Variants in FGD3 observed in about 807,000 individuals in gnomAD.
FGD3 encodes the protein FYVE, RhoGEF and PH domain-containing protein 3.
A neutral mutation model predicts 71.8 loss-of-function variants in FGD3; 45 were observed. The observed-to-expected ratio is 0.63, with a 90% confidence interval of 0.49 to 0.80. The LOEUF (loss-of-function observed/expected upper bound fraction) is 0.80, where lower values mean the gene tolerates loss of function less well. Ranked by LOEUF, FGD3 falls within the 30% of genes least tolerant of loss-of-function variation. The pLI, the probability that FGD3 is intolerant of heterozygous loss-of-function variation, is 0.00. For missense variants in FGD3, 844 were observed against 951.5 expected (o/e 0.89, Z 1.49); for synonymous variants, 378 against 392.8 (o/e 0.96, Z 0.44).
At chr9:93,010,126 C>G (rs991660006) in intron 6 of FGD3, 120 bp from the exon 7 acceptor site, 14 of 1,200,874 alleles carry the variant, frequency 1.2e-5, no homozygotes, top group Non-Finnish European at 2.3e-6. Flanking sequence ...TCTTGAAGGA[C>G]AGTCAGTTCT....
At chr9:93,009,423 C>T (rs944663423) in intron 6 of FGD3, among the ~76,000 whole-genome samples, 2 of 152,186 alleles carry the variant, frequency 1.3e-5, no homozygotes, top group Non-Finnish European at 2.9e-5. Flanking sequence ...CTGTTCTGGG[C>T]CCTGAGCCAG....
chr9:93,030,365 G>T (rs1342554678), intron 15 of FGD3, among the ~76,000 whole-genome samples: 1 of 152,158 alleles, frequency 6.6e-6, no homozygotes, highest in Admixed American at 6.5e-5. Flanking sequence ...AGCTCCTACT[G>T]CTGGCCTTTG....
At chr9:93,033,139 G>C (rs1031627588) in intron 16 of FGD3, 3 of 519,826 alleles carry the variant, frequency 5.8e-6, no homozygotes, top group African/African-American at 3.8e-5. Context: ...TGTCACTCCT[G>C]GTCACCTGGT....
chr9:93,028,218 G>GCACACACACA (rs547210870), intron 14 of FGD3, among the ~76,000 whole-genome samples: 5 of 141,052 alleles, frequency 3.5e-5, no homozygotes, highest in African/African-American at 1.1e-4. Context: ...ACACACACAC[G>GCACACACACA]CACACACACA....
chr9:92,985,752 A>T (rs2118623338), intron 3 of FGD3, among the ~76,000 whole-genome samples: 1 of 152,276 alleles, frequency 6.6e-6, no homozygotes, highest in East Asian at 1.9e-4. Context: ...TGCTAGGATT[A>T]CAAGCATGAA....
intron 14 of FGD3, 108 bp from the exon 15 acceptor site, chr9:93,029,766 T>C: frequency 1.4e-6 from 2 of 1,454,384 alleles, no homozygotes; most frequent in Non-Finnish European, 1.9e-6. Context: ...ACTTTTTGCC[T>C]TGAGCCTGTG....
intron 3 of FGD3, among the ~76,000 whole-genome samples, chr9:92,979,774 T>C (rs1587827196): frequency 6.6e-6 from 1 of 152,214 alleles, no homozygotes; most frequent in African/African-American, 2.4e-5. Flanking sequence ...ACTAATTCAA[T>C]CTGCATACTC....
At chr9:93,008,241 T>C (rs1232467015) in intron 6 of FGD3, among the ~76,000 whole-genome samples, 1 of 152,174 alleles carries the variant, frequency 6.6e-6, no homozygotes, top group Non-Finnish European at 1.5e-5. Context: ...ACAAGGATAT[T>C]CTCTTGCGTA....
chr9:92,949,413 C>T (rs1210906243), intron 1 of FGD3, among the ~76,000 whole-genome samples: 3 of 152,150 alleles, frequency 2.0e-5, no homozygotes, highest in Non-Finnish European at 4.4e-5. Context: ...CAGTCTGCAG[C>T]GGGGCGTCCG....
chr9:93,000,682 CA>C (rs1280115360), intron 3 of FGD3, among the ~76,000 whole-genome samples: 1 of 152,108 alleles, frequency 6.6e-6, no homozygotes, highest in Non-Finnish European at 1.5e-5. Flanking sequence ...TTACATGAGA[CA>C]AATTATTTTT....
At position 92,976,243 on chromosome 9, in the gene FGD3, G is replaced by A. The variant is rs766990798; in HGVS notation, c.-14G>A. On this transcript the variant is annotated 5_prime_UTR_variant, in exon 3 of 18. Coordinates refer to ENST00000375482, the MANE Select transcript of FGD3 (RefSeq NM_001083536.2). ...GCCAGCCTCCACCTGAGCCCAGTGA[G>A]CTCAGCTTTAAGGATGGAGTCAGGC... 28 of 1,554,206 alleles carry A rather than the reference G, an allele frequency of 1.8e-5. No homozygotes were observed. In the South Asian group the frequency reaches 3.2e-4, roughly 18 times the overall value.
chr9:93,029,295 C>T (rs1862264891), intron 14 of FGD3, among the ~76,000 whole-genome samples: 1 of 152,168 alleles, frequency 6.6e-6, no homozygotes, highest in Non-Finnish European at 1.5e-5. Context: ...CCCACCTCAG[C>T]CTCCCAAAGT....
chr9:92,973,723 C>G (rs1374879889), intron 1 of FGD3, among the ~76,000 whole-genome samples: 2 of 152,162 alleles, frequency 1.3e-5, no homozygotes, highest in Non-Finnish European at 2.9e-5. Context: ...TGTGAAAGCT[C>G]CCTGTGGTCC....
Position 93,010,342 on chromosome 9 carries a change from A to C in FGD3, c.934A>C (p.Lys312Gln). ...CGAGCTGCTGCTCAAGGACTATCTGAAGAGGCTCCCGCAGGACGCCCCAGA... is the reference window on the plus strand; with the variant it reads ...CGAGCTGCTGCTCAAGGACTATCTGCAGAGGCTCCCGCAGGACGCCCCAGA... ...RYELLLKDYLKRLPQDAPDRK... is the reference protein window; with the variant it reads ...RYELLLKDYLQRLPQDAPDRK... The change falls in exon 7 of 18, where the codon AAG (lysine) becomes CAG (glutamine). Residue 312 changes from lysine (K) to glutamine (Q), a missense_variant. Physicochemically the swap from Lys to Gln is moderately conservative, Grantham distance 53. Transcript: ENST00000375482. 14 of 1,613,490 alleles carry C rather than the reference A, an allele frequency of 8.7e-6. No individual in the cohort carries two copies. The highest frequency in any genetic ancestry group is 1.2e-5 in the Non-Finnish European group (14 of 1,179,530).
intron 1 of FGD3, among the ~76,000 whole-genome samples, chr9:92,962,952 A>G (rs1043817505): frequency 7.4e-5 from 11 of 148,534 alleles, no homozygotes; most frequent in Admixed American, 1.3e-4. Context: ...AAAAAAAAAA[A>G]AAAAGAAAAG....
At chr9:92,976,792 C>T in intron 3 of FGD3, 83 bp downstream of exon 3, 1 of 1,370,186 alleles carries the variant, frequency 7.3e-7, no homozygotes, top group Admixed American at 2.8e-5. Flanking sequence ...GGCGTCATCC[C>T]ACACCTTGTT....
chr9:93,029,685 G>C (rs779201562), intron 14 of FGD3, among the ~76,000 whole-genome samples, 189 bp from the exon 15 acceptor site: 1 of 152,260 alleles, frequency 6.6e-6, no homozygotes, highest in Non-Finnish European at 1.5e-5. Flanking sequence ...ACAGGCAGCC[G>C]CTGGGAGGTG....
intron 3 of FGD3, among the ~76,000 whole-genome samples, chr9:92,996,655 C>A (rs1017568354): frequency 6.6e-6 from 1 of 152,132 alleles, no homozygotes; most frequent in African/African-American, 2.4e-5. Flanking sequence ...TAAATGTGTC[C>A]CAGAGATTCT....
Position 93,030,041 on chromosome 9 carries a change from C to G in FGD3, c.1680+45C>G, listed in dbSNP as rs558125831. 289 of 1,598,024 alleles carry G rather than the reference C, an allele frequency of 1.8e-4. 3 individuals are homozygous for G. In the South Asian group the frequency reaches 3.1e-3, roughly 17 times the overall value. On this transcript the variant is annotated intron_variant, in intron 15 of 17. Coordinates refer to ENST00000375482, the MANE Select transcript of FGD3 (RefSeq NM_001083536.2). Reference sequence around the variant, plus strand: ...GACAGGGACAGGAGGCCACCCTGTCCTCTGCTCTGACAGAGCAGCTGAGTC... The same window carrying G: ...GACAGGGACAGGAGGCCACCCTGTCGTCTGCTCTGACAGAGCAGCTGAGTC...
Sources: allele counts gnomAD v4.1 joint callset (sites outside exome capture counted in the v4.1 genomes callset), GRCh38; gene constraint gnomAD v4.1.1; transcripts MANE v1.5; gene names NCBI Gene and HGNC (gene_info 2026-07-23, HGNC 2026-07-21).